The following PPP1R9A variants were observed in gnomAD, a reference collection of about 807,000 sequenced individuals.
PPP1R9A encodes the protein neurabin-1.
A neutral mutation model predicts 141.9 loss-of-function variants in PPP1R9A; 59 were observed. That is an observed-to-expected ratio of 0.42 (90% CI 0.34 to 0.52). The LOEUF is 0.52. Among genes scored for constraint, PPP1R9A ranks in the 20% least tolerant of loss-of-function variants. PPP1R9A has a pLI of 0.10. For missense variants in PPP1R9A, 1,444 were observed against 1,611.9 expected, an observed-to-expected ratio of 0.90 and a Z score of 1.78; for synonymous variants, 500 against 569.7, an observed-to-expected ratio of 0.88 and a Z score of 1.74.
chr7:95,281,165 A>C (rs1033539990), intron 16 of PPP1R9A, among the ~76,000 whole-genome samples: 3 of 152,216 alleles, frequency 2.0e-5, no homozygotes, highest in African/African-American at 7.2e-5. Flanking sequence ...CCCAGGGGTT[A>C]CATCAGTTCA....
At chr7:95,071,502 G>A (rs1813806376) in intron 2 of PPP1R9A, among the ~76,000 whole-genome samples, 1 of 151,794 alleles carries the variant, frequency 6.6e-6, no homozygotes, top group African/African-American at 2.4e-5. Context: ...GGCAGTTCTA[G>A]GAGTACTGTG....
chr7:95,280,554 A>G (rs1053053333), intron 16 of PPP1R9A, among the ~76,000 whole-genome samples: 2 of 152,252 alleles, frequency 1.3e-5, no homozygotes, highest in African/African-American at 4.8e-5. Flanking sequence ...GCCAGGAAAC[A>G]GCTACCTCTG....
intron 8 of PPP1R9A, among the ~76,000 whole-genome samples, chr7:95,228,091 A>G (rs1292094703): frequency 6.6e-6 from 1 of 152,056 alleles, no homozygotes; most frequent in Non-Finnish European, 1.5e-5. Context: ...GGTGAGTGTG[A>G]AGGATCATAT....
At chr7:95,263,325 G>A (rs1330154505) in intron 12 of PPP1R9A, among the ~76,000 whole-genome samples, 1 of 152,100 alleles carries the variant, frequency 6.6e-6, no homozygotes, top group Non-Finnish European at 1.5e-5. Context: ...TTGCAAATAA[G>A]ATTAAAGTAC....
At chr7:95,055,391 A>G (rs557274909) in intron 2 of PPP1R9A, among the ~76,000 whole-genome samples, 1 of 151,182 alleles carries the variant, frequency 6.6e-6, no homozygotes, top group Non-Finnish European at 1.5e-5. Flanking sequence ...TGTTCTTGAT[A>G]TGGAGTTAAT....
At chr7:95,207,342 A>T (rs1791036732) in intron 7 of PPP1R9A, among the ~76,000 whole-genome samples, 1 of 152,202 alleles carries the variant, frequency 6.6e-6, no homozygotes, top group Non-Finnish European at 1.5e-5. Flanking sequence ...AGACAGAAAA[A>T]CAAAAGTAGT....
chr7:95,003,199 A>G (rs1421933842), intron 2 of PPP1R9A, among the ~76,000 whole-genome samples: 1 of 152,180 alleles, frequency 6.6e-6, no homozygotes, highest in Non-Finnish European at 1.5e-5. Flanking sequence ...TGCTAAAGAA[A>G]ACAGTCGTCT....
At chr7:95,161,069 G>C (rs746800568) in intron 4 of PPP1R9A, among the ~76,000 whole-genome samples, 3 of 152,100 alleles carry the variant, frequency 2.0e-5, no homozygotes, top group Non-Finnish European at 4.4e-5. Flanking sequence ...TGGTAGTTCT[G>C]TTTTAAGTTC....
intron 2 of PPP1R9A, among the ~76,000 whole-genome samples, chr7:95,099,727 T>C (rs1818506695): frequency 6.6e-6 from 1 of 152,106 alleles, no homozygotes; most frequent in African/African-American, 2.4e-5. Flanking sequence ...TAATGTATAG[T>C]AACCAGTAAG....
At chr7:95,178,645 AAAG>A (rs1346906066) in intron 5 of PPP1R9A, among the ~76,000 whole-genome samples, 1 of 152,150 alleles carries the variant, frequency 6.6e-6, no homozygotes, top group African/African-American at 2.4e-5. Flanking sequence ...TTAACCAAGA[AAAG>A]AAGAGAGAAA....
At chr7:95,002,868 G>A (rs1354677646) in intron 2 of PPP1R9A, among the ~76,000 whole-genome samples, 4 of 152,210 alleles carry the variant, frequency 2.6e-5, no homozygotes, top group Non-Finnish European at 4.4e-5. Flanking sequence ...TATCCATGAT[G>A]TCTGTAATAG....
rs1805946672 is a variant in PPP1R9A at position 95,021,426 on chromosome 7, G to A, written c.1396-89833G>A. On this transcript the variant is annotated intron_variant, in intron 2 of 19. Transcript: ENST00000433360. ...TTTTCTCCCATTCTGTAGGTTGCCT[G>A]TTCACTCTGATGATAGTTTCTTTTG... 2.0e-5 allele frequency among the ~76,000 whole-genome samples: 3 copies of A among 151,724 alleles called. No homozygotes were observed. The South Asian group carries it at 6.2e-4, about 31-fold the overall frequency.
chr7:95,162,459 A>G (rs1830593026), intron 5 of PPP1R9A, among the ~76,000 whole-genome samples: 1 of 152,184 alleles, frequency 6.6e-6, no homozygotes, highest in Non-Finnish European at 1.5e-5. Flanking sequence ...AACTTAATGC[A>G]CTTAGGGTGC....
At position 95,026,113 on chromosome 7, in the gene PPP1R9A, T is replaced by C. The variant is rs115983709; in HGVS notation, c.1396-85146T>C. On this transcript the variant is annotated intron_variant, in intron 2 of 19. Coordinates refer to ENST00000433360, the MANE Select transcript of PPP1R9A (RefSeq NM_001166160.2). ...AACTCATTCTCCATTCAGTTTTGTT[T>C]TCTTGCTGGCAAGGAGTTGTGATCC... is the stretch of plus-strand genomic sequence containing the variant. 3.4e-3 allele frequency among the ~76,000 whole-genome samples: 518 copies of C among 152,324 alleles called. 5 individuals carry two copies. The highest frequency in any genetic ancestry group is 0.012 in the African/African-American group (493 of 41,586).
intron 18 of PPP1R9A, among the ~76,000 whole-genome samples, chr7:95,288,031 A>G (rs1471001826): frequency 6.6e-6 from 1 of 152,084 alleles, no homozygotes; most frequent in African/African-American, 2.4e-5. Context: ...TATATGCCCT[A>G]CCTTCCTCAC....
chr7:94,994,874 A>G (rs946431221), intron 2 of PPP1R9A, among the ~76,000 whole-genome samples: 1 of 151,850 alleles, frequency 6.6e-6, no homozygotes, highest in Non-Finnish European at 1.5e-5. Flanking sequence ...CCTGGTGACC[A>G]AACGAGACTC....
At chr7:95,247,654 T>G in intron 9 of PPP1R9A, 128 bp downstream of exon 9, 1 of 743,582 alleles carries the variant, frequency 1.3e-6, no homozygotes, top group South Asian at 2.2e-5. Context: ...AGATTCATTT[T>G]CACTGTCAGG....
At position 95,292,035 on chromosome 7, in the gene PPP1R9A, C is replaced by T. The variant is rs1034883747; in HGVS notation, c.*1732C>T. On this transcript the variant is annotated 3_prime_UTR_variant, in exon 20 of 20. Coordinates refer to ENST00000433360, the MANE Select transcript of PPP1R9A (RefSeq NM_001166160.2). ...CATTGCCAGAGTATTGTCGGTTATG[C>T]GTCAGCTCTTTTGTCATTAGGTACA... The T allele has an allele frequency of 2.0e-5, 3 of 152,108 alleles. No individual in the cohort carries two copies. Among genetic ancestry groups the T allele is most frequent in the Non-Finnish European group, 4.4e-5 (3 of 68,018 alleles). The allele number at this position is 152,108 out of a possible 1,614,324, so 9.4% of individuals were successfully genotyped here. A position where few individuals can be genotyped will look rare whatever the true frequency, so the allele number is the denominator to read the frequency against.
intron 2 of PPP1R9A, among the ~76,000 whole-genome samples, chr7:94,949,335 A>T (rs1409007541): frequency 6.6e-6 from 1 of 152,114 alleles, no homozygotes; most frequent in East Asian, 1.9e-4. Context: ...GGGAGGAGGA[A>T]TAGGAGCAAT....
Sources: allele counts gnomAD v4.1 joint callset (sites outside exome capture counted in the v4.1 genomes callset), GRCh38; gene constraint gnomAD v4.1.1; transcripts MANE v1.5; gene names NCBI Gene and HGNC (gene_info 2026-07-23, HGNC 2026-07-21).